Variants in CKAP5 observed in about 807,000 individuals in gnomAD.
CKAP5 encodes cytoskeleton associated protein 5.
Under a neutral mutation model 232.8 loss-of-function variants are expected in CKAP5, and 27 were observed. The observed-to-expected ratio is 0.12, with a 90% CI of 0.09 to 0.16. The LOEUF (loss-of-function observed/expected upper bound fraction) is 0.16. Among genes scored for constraint, CKAP5 ranks in the 10% least tolerant of loss-of-function variants. The pLI is 1.00. For missense variants in CKAP5, 1,838 were observed against 2,424.7 expected (o/e 0.76, Z 5.08); for synonymous variants, 785 against 841.1 (o/e 0.93, Z 1.16).
At chr11:46,770,233 T>C in intron 25 of CKAP5, 135 bp from the exon 26 acceptor site, 1 of 838,350 alleles carries the variant, frequency 1.2e-6, no homozygotes, top group East Asian at 2.6e-5. Flanking sequence ...AGGGAGGCAG[T>C]ACATGGTGTC....
intron 18 of CKAP5, chr11:46,783,067 G>A (rs1256147811): frequency 1.2e-5 from 4 of 332,236 alleles, no homozygotes; most frequent in Non-Finnish European, 2.2e-5. Context: ...GAAAAATAAC[G>A]TAGAGAACTC....
intron 7 of CKAP5, among the ~76,000 whole-genome samples, chr11:46,808,591 ATTTTGTTCATATATATAAAT>A (rs1457086359): frequency 1.3e-5 from 2 of 152,208 alleles, no homozygotes; most frequent in African/African-American, 4.8e-5. Context: ...CAATCAGAAC[ATTTTGTTCATATATATAAAT>A]TTTTGTTCAT....
intron 37 of CKAP5, 65 bp from the exon 38 acceptor site, chr11:46,752,775 T>C: frequency 7.9e-7 from 1 of 1,257,984 alleles, no homozygotes; most frequent in South Asian, 1.2e-5. Context: ...GAATCAGCAG[T>C]TGAAAGGGCA....
intron 1 of CKAP5, among the ~76,000 whole-genome samples, chr11:46,827,019 A>G (rs903956460): frequency 3.3e-4 from 50 of 152,294 alleles, no homozygotes; most frequent in Admixed American, 9.2e-4. Flanking sequence ...CGCTGCTTCT[A>G]GGTCCTAGGC....
intron 40 of CKAP5, 48 bp from the exon 41 acceptor site, chr11:46,750,659 A>T (rs780192059): frequency 3.5e-5 from 49 of 1,407,512 alleles, no homozygotes; most frequent in Non-Finnish European, 4.6e-5. Flanking sequence ...TTGAGTTATT[A>T]ATTAGGAACT....
chr11:46,839,360 T>A (rs906193832), intron 1 of CKAP5, among the ~76,000 whole-genome samples: 1 of 152,194 alleles, frequency 6.6e-6, no homozygotes, highest in Admixed American at 6.5e-5. Flanking sequence ...GTAGAGTAAC[T>A]GCCCTGATAG....
At chr11:46,760,555 A>G (rs1592438599) in intron 33 of CKAP5, 57 bp downstream of exon 33, 5 of 1,551,290 alleles carry the variant, frequency 3.2e-6, no homozygotes, top group South Asian at 1.1e-5. Flanking sequence ...ACAGGCTGTG[A>G]GCACACAAGG....
chr11:46,842,148 C>T (rs183400248), intron 1 of CKAP5, among the ~76,000 whole-genome samples: 184 of 152,292 alleles, frequency 1.2e-3, no homozygotes, highest in Non-Finnish European at 2.1e-3. Flanking sequence ...AGGCCACTAA[C>T]CTCAAAGCTG....
At chr11:46,823,117 T>C (rs761916226) in intron 1 of CKAP5, among the ~76,000 whole-genome samples, 5 of 152,018 alleles carry the variant, frequency 3.3e-5, no homozygotes, top group African/African-American at 7.2e-5. Context: ...ACTGCAGGTG[T>C]GCACCACCAT....
intron 13 of CKAP5, among the ~76,000 whole-genome samples, chr11:46,793,654 G>A (rs1044545780): frequency 3.3e-5 from 5 of 152,244 alleles, no homozygotes; most frequent in Admixed American, 3.3e-4. Context: ...TGGGCGCAGT[G>A]GCTCATGCCT....
chr11:46,784,679 C>G lies in CKAP5; in HGVS notation c.1969-6G>C, dbSNP rs762948611. The G allele has an allele frequency of 6.2e-7, 1 of 1,611,506 alleles. No individual in the cohort carries two copies. The highest frequency in any genetic ancestry group is 1.3e-5 in the African/African-American group (1 of 74,950). On this transcript the variant is annotated splice_region_variant and splice_polypyrimidine_tract_variant and intron_variant, in intron 16 of 43. Coordinates refer to ENST00000529230, the MANE Select transcript of CKAP5 (RefSeq NM_001008938.4). ...TGAAGCTTCATTTGCATCACCTGAA[C>G]AAGGATCAGTATCATAAAGCTAAGA...
rs774295861 is a variant in CKAP5, at chr11:46,750,430, G to T, written c.5548C>A (p.Leu1850Ile). 2.5e-6 allele frequency: 4 copies of T among 1,614,032 alleles called. No individual in the cohort carries two copies. The South Asian group carries it at 3.3e-5, about 13-fold the overall frequency. Residue 1850 changes from leucine to isoleucine, a missense_variant, in exon 42 of 44, where the codon CTA (leucine) becomes ATA (isoleucine). Physicochemically the swap from Leu to Ile is conservative, Grantham distance 5 (BLOSUM62 2). Around this residue, in one of 6 missense-constraint regions of CKAP5, gnomAD observed 579 missense variants for 843.2 expected, o/e 0.69. Coordinates refer to ENST00000529230, the MANE Select transcript of CKAP5 (RefSeq NM_001008938.4). ...IGSKENTKEG[L>I]AELYEYKKKY... ...TTCTTATATTCATATAACTCTGCTA[G>T]TCCCTGGTGAACAGGAAAAGGGAAG...
At chr11:46,794,507 A>G (rs1466280416) in intron 13 of CKAP5, among the ~76,000 whole-genome samples, 1 of 42,516 alleles carries the variant, frequency 2.4e-5, no homozygotes, top group East Asian at 3.8e-4. Context: ...TTTTTCCAAG[A>G]AGAACTATAC....
At chr11:46,789,467 A>G (rs1161682773) in intron 15 of CKAP5, among the ~76,000 whole-genome samples, 1 of 152,186 alleles carries the variant, frequency 6.6e-6, no homozygotes, top group Non-Finnish European at 1.5e-5. Flanking sequence ...TTGCCTAGGA[A>G]GTTTATGAGC....
intron 4 of CKAP5, among the ~76,000 whole-genome samples, chr11:46,815,260 G>A (rs962714469): frequency 3.3e-5 from 5 of 152,148 alleles, no homozygotes; most frequent in Non-Finnish European, 7.3e-5. Context: ...ACATTGGCCA[G>A]GCTGGTCTCA....
intron 1 of CKAP5, among the ~76,000 whole-genome samples, chr11:46,838,020 G>C (rs1939955313): frequency 6.6e-6 from 1 of 152,074 alleles, no homozygotes; most frequent in African/African-American, 2.4e-5. Context: ...ACTATTTCAG[G>C]TCAATATGAA....
Position 46,760,727 on chromosome 11 carries a change from G to C in CKAP5, c.4279C>G (p.Pro1427Ala), listed in dbSNP as rs761204137. Residue 1427 changes from proline to alanine, a missense_variant, in exon 33 of 44, where the codon CCC becomes GCC. By Grantham distance (27) the Pro-to-Ala change is conservative (BLOSUM62 -1). Around this residue, in one of 6 missense-constraint regions of CKAP5, gnomAD observed 579 missense variants for 843.2 expected, o/e 0.69. Coordinates refer to ENST00000529230, the MANE Select transcript of CKAP5 (RefSeq NM_001008938.4). Reference protein sequence around the residue: ...EERIKRSAKRPSAAPIKQVEE... With the variant: ...EERIKRSAKRASAAPIKQVEE... Reference sequence around the variant, plus strand: ...ACCTGTTTTATTGGTGCAGCAGAGGGTCTCTTTGCTGACCGCTTAATCCTC... The same window carrying C: ...ACCTGTTTTATTGGTGCAGCAGAGGCTCTCTTTGCTGACCGCTTAATCCTC... 1.2e-6 allele frequency: 2 copies of C among 1,614,208 alleles called. No homozygotes were observed. The highest frequency in any genetic ancestry group is 3.3e-5 in the Admixed American group (2 of 60,034).
At chr11:46,801,834 A>G (rs969187780) in intron 8 of CKAP5, among the ~76,000 whole-genome samples, 3 of 152,222 alleles carry the variant, frequency 2.0e-5, no homozygotes, top group Non-Finnish European at 2.9e-5. Context: ...AGATAAAACC[A>G]CAACATCAAA....
intron 15 of CKAP5, among the ~76,000 whole-genome samples, chr11:46,789,654 G>A (rs1476858435): frequency 6.6e-6 from 1 of 151,370 alleles, no homozygotes; most frequent in East Asian, 1.9e-4. Flanking sequence ...AAATTAGCCG[G>A]GTGTGGTGGT....
Sources: allele counts gnomAD v4.1 joint callset (sites outside exome capture counted in the v4.1 genomes callset), GRCh38; gene constraint gnomAD v4.1.1; regional missense constraint gnomAD v4.1.1; transcripts MANE v1.5; gene names NCBI Gene and HGNC (gene_info 2026-07-23, HGNC 2026-07-21).